The following DOCK7 variants were observed in gnomAD, a reference collection of about 807,000 sequenced individuals.
The protein encoded by DOCK7 is dedicator of cytokinesis 7.
DOCK7 carries 138 observed loss-of-function variants against 271.0 expected under a neutral mutation model. That is an observed-to-expected ratio of 0.51 (90% confidence interval 0.44 to 0.59). The LOEUF is 0.59. Among genes scored for constraint, DOCK7 ranks in the 20% least tolerant of loss-of-function variants. The pLI, the probability that DOCK7 is intolerant of heterozygous loss-of-function variation, is 0.00. For synonymous variants in DOCK7, 823 were observed against 876.1 expected (o/e 0.94, Z 1.07); for missense variants, 2,066 against 2,592.4 (o/e 0.80, Z 4.41).
chr1:62,668,924 C>CA (rs11308465), intron 1 of DOCK7, among the ~76,000 whole-genome samples: 1,228 of 113,248 alleles, frequency 0.011, 14 homozygotes, highest in African/African-American at 0.012. Flanking sequence ...GACCTTGCCT[C>CA]AAAAAAAAAA....
At chr1:62,660,413 A>G (rs1171387774) in intron 2 of DOCK7, among the ~76,000 whole-genome samples, 2 of 152,242 alleles carry the variant, frequency 1.3e-5, no homozygotes, top group Non-Finnish European at 2.9e-5. Flanking sequence ...AATGTAAACC[A>G]AAAGTATAAG....
rs781230328 is a variant in DOCK7, at chr1:62,625,212, T to A, written c.1425+47A>T. The A allele has an allele frequency of 4.4e-6, 7 of 1,599,512 alleles. 1 individual carries two copies. Among genetic ancestry groups the A allele is most frequent in the East Asian group, 4.5e-5 (2 of 44,684 alleles). On this transcript the variant is annotated intron_variant, in intron 12 of 49. Transcript: ENST00000635253. ...CACTACCTTTCTGAAATTAAAAAAA[T>A]TTATGCACAAACATCTCCCCAAAAT...
chr1:62,523,792 G>T (rs1644920344), intron 31 of DOCK7, among the ~76,000 whole-genome samples: 1 of 152,102 alleles, frequency 6.6e-6, no homozygotes, highest in Admixed American at 6.6e-5. Flanking sequence ...GTGTGAACCT[G>T]GGAGGCAGAG....
intron 35 of DOCK7, among the ~76,000 whole-genome samples, chr1:62,506,022 T>C (rs1343362070): frequency 6.6e-6 from 1 of 151,796 alleles, no homozygotes; most frequent in Non-Finnish European, 1.5e-5. Flanking sequence ...AAAGAATAAA[T>C]ATAATTTAAA....
intron 21 of DOCK7, among the ~76,000 whole-genome samples, chr1:62,554,590 T>C (rs995672160): frequency 6.6e-6 from 1 of 151,994 alleles, no homozygotes; most frequent in Admixed American, 6.5e-5. Flanking sequence ...CCAGGAATTA[T>C]AGTGTTAATT....
intron 14 of DOCK7, among the ~76,000 whole-genome samples, chr1:62,593,864 T>TA (rs981394583): frequency 4.7e-4 from 71 of 152,192 alleles, no homozygotes; most frequent in Non-Finnish European, 7.2e-4. Context: ...CTATTGTAGT[T>TA]AAAAAGGAAA....
intron 33 of DOCK7, among the ~76,000 whole-genome samples, chr1:62,512,789 G>C (rs61775883): frequency 7.4e-4 from 113 of 151,984 alleles, no homozygotes; most frequent in Middle Eastern, 3.4e-3. Flanking sequence ...CCAGCTACCA[G>C]GGTAGGTGTG....
chr1:62,550,962 C>G (rs1307789970), intron 22 of DOCK7, among the ~76,000 whole-genome samples: 4 of 152,042 alleles, frequency 2.6e-5, no homozygotes, highest in Non-Finnish European at 5.9e-5. Flanking sequence ...CTCAGGTGAT[C>G]TGCCCGCCTC....
Position 62,618,784 on chromosome 1 carries a change from G to C in DOCK7, c.1604C>G (p.Pro535Arg). 8 of 1,613,656 alleles carry C rather than the reference G, an allele frequency of 5.0e-6. No individual in the cohort carries two copies. The highest frequency in any genetic ancestry group is 6.8e-6 in the Non-Finnish European group (8 of 1,179,588). ...TPELLQVKLY[P>R]DSRVRPTREI... The stretch of plus-strand genomic sequence containing the variant: ...TCTGGTAGGTCTAACTCTACTGTCA[G>C]GGTAAAGCTTCACTTGAAGCAGCTC... The change falls in exon 14 of 50, where the codon CCT becomes CGT. Residue 535 changes from proline (P) to arginine (R), a missense_variant. Pro to Arg is a moderately radical substitution (Grantham distance 103, BLOSUM62 -2). Transcript: ENST00000635253.
intron 31 of DOCK7, among the ~76,000 whole-genome samples, chr1:62,527,397 G>A (rs4915838): frequency 0.58 from 87,934 of 151,810 alleles, 27,067 homozygotes; most frequent in East Asian, 0.76. Flanking sequence ...TCATGCTGCT[G>A]TAAAGACACA....
rs555485922 is a variant in DOCK7, at chr1:62,633,333, G to A, written c.1116+165C>T. On this transcript the variant is annotated intron_variant, in intron 10 of 49. Transcript: ENST00000635253. Reference sequence around the variant, plus strand: ...AATAAAGAAGAAAGGAAGATAGGAAGTGGGCAAACAGAAAAAAATATAGTA... The same window carrying A: ...AATAAAGAAGAAAGGAAGATAGGAAATGGGCAAACAGAAAAAAATATAGTA... Among the ~76,000 whole-genome samples, 3 of 152,272 alleles carry A rather than the reference G, an allele frequency of 2.0e-5. No homozygotes were observed. In the South Asian group the frequency reaches 6.2e-4, roughly 32 times the overall value.
intron 48 of DOCK7, among the ~76,000 whole-genome samples, chr1:62,468,406 A>G (rs1645741536): frequency 6.6e-6 from 1 of 150,782 alleles, no homozygotes; most frequent in South Asian, 2.1e-4. Flanking sequence ...CATACAAGGG[A>G]CATACCTCAA....
intron 39 of DOCK7, 38 bp downstream of exon 39, chr1:62,495,543 C>T: frequency 7.3e-7 from 1 of 1,378,544 alleles, no homozygotes; most frequent in South Asian, 1.5e-5. Context: ...CTTACTAAGT[C>T]CCTTATACAA....
intron 22 of DOCK7, among the ~76,000 whole-genome samples, chr1:62,546,682 T>A (rs1003455247): frequency 5.3e-5 from 8 of 152,162 alleles, no homozygotes; most frequent in Non-Finnish European, 1.0e-4. Flanking sequence ...TTTCTTAAAA[T>A]GCTTTCTATC....
At chr1:62,534,531 C>T (rs1645279777) in intron 29 of DOCK7, among the ~76,000 whole-genome samples, 1 of 152,112 alleles carries the variant, frequency 6.6e-6, no homozygotes, top group African/African-American at 2.4e-5. Flanking sequence ...AGAAGAATTG[C>T]TTGAGCCTGG....
intron 22 of DOCK7, among the ~76,000 whole-genome samples, chr1:62,547,694 C>T (rs879618210): frequency 1.3e-5 from 2 of 152,086 alleles, no homozygotes; most frequent in Admixed American, 1.3e-4. Flanking sequence ...CCTGATGTAA[C>T]CATGTATTTA....
At chr1:62,475,180 TCA>T in intron 47 of DOCK7, 26 bp downstream of exon 47, 2 of 1,592,778 alleles carry the variant, frequency 1.3e-6, no homozygotes, top group Non-Finnish European at 1.7e-6. Context: ...ACAGCTTAAA[TCA>T]CACAGTGCTA....
intron 12 of DOCK7, among the ~76,000 whole-genome samples, chr1:62,622,852 C>G (rs942902665): frequency 3.4e-4 from 52 of 152,214 alleles, no homozygotes; most frequent in African/African-American, 1.2e-3. Context: ...ATGGCATGAA[C>G]CCAGGAGGCG....
intron 18 of DOCK7, among the ~76,000 whole-genome samples, chr1:62,569,784 G>A (rs182532487): frequency 6.7e-4 from 90 of 135,178 alleles, no homozygotes; most frequent in African/African-American, 2.3e-3. Context: ...TACGACCTCA[G>A]CTCACTGCAA....
Sources: gnomAD v4.1 joint callset for allele counts (sites outside exome capture counted in the v4.1 genomes callset) on GRCh38, gnomAD v4.1.1 for gene constraint, MANE v1.5 for transcripts, NCBI Gene and HGNC (gene_info 2026-07-23, HGNC 2026-07-21) for gene names.